CDH12: variants seen among roughly 807,000 people sequenced by gnomAD.
CDH12 encodes cadherin 12.
In CDH12, 41 loss-of-function variants were observed where a neutral mutation model predicts 74.1. The ratio of observed to expected loss-of-function variants is 0.55; its 90% CI spans 0.43 to 0.72. The LOEUF is 0.72. CDH12 is among the 30% of genes least tolerant of loss of function. The pLI, the probability that CDH12 is intolerant of heterozygous loss-of-function variation, is 0.00. For missense variants in CDH12, 945 were observed against 977.2 expected (o/e 0.97, Z 0.44); for synonymous variants, 399 against 355.0 (o/e 1.12, Z -1.39).
intron 1 of CDH12, among the ~76,000 whole-genome samples, chr5:22,770,959 C>A (rs1487256993): frequency 6.6e-6 from 1 of 152,056 alleles, no homozygotes; most frequent in Non-Finnish European, 1.5e-5. Flanking sequence ...TTGCAAAATG[C>A]ATACACTGTA....
chr5:21,816,304 C>T (rs1018280738), intron 9 of CDH12, among the ~76,000 whole-genome samples: 14 of 151,990 alleles, frequency 9.2e-5, no homozygotes, highest in Non-Finnish European at 5.9e-5. Flanking sequence ...ATAACATTTT[C>T]TCCTCTCTAG....
chr5:22,199,770 T>C (rs1750819704), intron 4 of CDH12, among the ~76,000 whole-genome samples: 1 of 152,210 alleles, frequency 6.6e-6, no homozygotes, highest in South Asian at 2.1e-4. Context: ...CCTTGGACAC[T>C]AGTCACAACA....
intron 2 of CDH12, among the ~76,000 whole-genome samples, chr5:22,423,327 G>T (rs1032764797): frequency 6.6e-6 from 1 of 151,902 alleles, no homozygotes; most frequent in African/African-American, 2.4e-5. Context: ...GAGAATCTGA[G>T]AACCACTCCT....
intron 4 of CDH12, among the ~76,000 whole-genome samples, chr5:22,092,346 A>C (rs1229570457): frequency 6.6e-6 from 1 of 152,176 alleles, no homozygotes; most frequent in East Asian, 1.9e-4. Flanking sequence ...AGAATGCAAA[A>C]AAGTATGTTC....
intron 10 of CDH12, among the ~76,000 whole-genome samples, chr5:21,796,163 G>A (rs1452384622): frequency 6.6e-6 from 1 of 151,892 alleles, no homozygotes; most frequent in Non-Finnish European, 1.5e-5. Flanking sequence ...CTTACCATGA[G>A]GTTACATCTC....
chr5:22,432,797 C>A (rs554693835), intron 2 of CDH12, among the ~76,000 whole-genome samples: 4 of 152,052 alleles, frequency 2.6e-5, no homozygotes, highest in Non-Finnish European at 1.5e-5. Context: ...TTTTGATTTT[C>A]TTTCAATAAA....
At chr5:22,520,855 T>C (rs1357688321) in intron 1 of CDH12, among the ~76,000 whole-genome samples, 1 of 152,170 alleles carries the variant, frequency 6.6e-6, no homozygotes. Context: ...AGGATCATAC[T>C]TTGTTTAGTT....
chr5:21,805,584 G>A (rs756355730), intron 9 of CDH12, among the ~76,000 whole-genome samples: 9 of 152,088 alleles, frequency 5.9e-5, no homozygotes, highest in South Asian at 2.1e-4. Flanking sequence ...TTACTTCTTC[G>A]TGACCCTGAC....
intron 10 of CDH12, among the ~76,000 whole-genome samples, chr5:21,793,645 TTACCA>T (rs1199642312): frequency 6.6e-6 from 1 of 151,662 alleles, no homozygotes; most frequent in East Asian, 1.9e-4. Flanking sequence ...GTAGAGCTGC[TTACCA>T]TTTGAAACCT....
chr5:22,847,801 C>T lies in CDH12; in HGVS notation c.-523+5257G>A, dbSNP rs369482545. Among the ~76,000 whole-genome samples the T allele has an allele frequency of 4.3e-4, 66 of 152,260 alleles. No individual in the cohort carries two copies. In the East Asian group the frequency reaches 0.01, roughly 24 times the overall value. ...CTATCCTCCAGATATTATAAACTTT[C>T]ATGTTCACTAAAACTTTAATCCATC... On this transcript the variant is annotated intron_variant, in intron 1 of 14. Coordinates refer to ENST00000382254, the MANE Select transcript of CDH12 (RefSeq NM_004061.5).
chr5:22,800,870 C>T (rs191003309), intron 1 of CDH12, among the ~76,000 whole-genome samples: 6 of 152,088 alleles, frequency 3.9e-5, no homozygotes, highest in African/African-American at 9.6e-5. Context: ...TTTCACGGCT[C>T]GATAGATTAT....
At chr5:21,887,813 G>A (rs7446822) in intron 6 of CDH12, among the ~76,000 whole-genome samples, 113,090 of 151,960 alleles carry the variant, frequency 0.74, 45,738 homozygotes, top group Non-Finnish European at 0.9. Context: ...GTCAGGGCCC[G>A]GGTAATTCAC....
At chr5:22,212,350 C>T (rs755753784) in intron 4 of CDH12, 148 bp downstream of exon 4, 97 of 235,164 alleles carry the variant, frequency 4.1e-4, no homozygotes, top group Non-Finnish European at 5.8e-4. Context: ...TTATCTCCAA[C>T]GCCGTTTTCA....
chr5:22,439,464 G>A (rs543884002), intron 2 of CDH12, among the ~76,000 whole-genome samples: 43 of 152,156 alleles, frequency 2.8e-4, no homozygotes, highest in African/African-American at 9.9e-4. Flanking sequence ...TTTGCTAGAA[G>A]TGCAAACATG....
At chr5:22,762,533 T>A (rs1324154482) in intron 1 of CDH12, among the ~76,000 whole-genome samples, 1 of 152,052 alleles carries the variant, frequency 6.6e-6, no homozygotes, top group East Asian at 1.9e-4. Flanking sequence ...GAAAGTTATG[T>A]CATCAGCTTT....
intron 3 of CDH12, among the ~76,000 whole-genome samples, chr5:22,294,559 C>A (rs551564159): frequency 6.6e-6 from 1 of 152,106 alleles, no homozygotes. Flanking sequence ...TAGATAAATT[C>A]GAAATCTTAG....
intron 9 of CDH12, among the ~76,000 whole-genome samples, chr5:21,811,928 A>G (rs1008643967): frequency 7.2e-5 from 11 of 152,040 alleles, no homozygotes; most frequent in Admixed American, 4.6e-4. Flanking sequence ...AAGTGAATCA[A>G]AGTTAAGGTT....
chr5:22,705,130 T>TATACACACAC lies in CDH12; in HGVS notation c.-523+147927_-523+147928insGTGTGTGTAT, dbSNP rs752782183. On this transcript the variant is annotated intron_variant, in intron 1 of 14. Coordinates refer to ENST00000382254, the MANE Select transcript of CDH12 (RefSeq NM_004061.5). ...CCCCACCCAGTCATATATATATATA[T>TATACACACAC]ACACACACACACACACACACACACA... Among the ~76,000 whole-genome samples, 27 of 125,616 alleles carry TATACACACAC rather than the reference T, an allele frequency of 2.1e-4. 1 individual carries two copies. Among genetic ancestry groups the TATACACACAC allele is most frequent in the Middle Eastern group, 4.5e-3 (1 of 222 alleles). 82.4% of individuals were successfully genotyped at this position (125,616 alleles called of 152,430 possible).
At chr5:21,979,823 A>T (rs143315802) in intron 5 of CDH12, among the ~76,000 whole-genome samples, 3,504 of 152,128 alleles carry the variant, frequency 0.023, 84 homozygotes, top group African/African-American at 0.057. Context: ...AAAAAAAAAA[A>T]ATGGTATTTC....
Sources: gnomAD v4.1 joint callset for allele counts (sites outside exome capture counted in the v4.1 genomes callset) on GRCh38, gnomAD v4.1.1 for gene constraint, MANE v1.5 for transcripts, NCBI Gene and HGNC (gene_info 2026-07-23, HGNC 2026-07-21) for gene names.